PRDM4: variants seen among roughly 807,000 people sequenced by gnomAD.
PRDM4 encodes PR/SET domain 4.
A neutral mutation model predicts 62.3 loss-of-function variants in PRDM4; 38 were observed. The observed-to-expected ratio is 0.61, with a 90% confidence interval of 0.47 to 0.80. PRDM4 has a LOEUF of 0.80. PRDM4 is among the 30% of genes least tolerant of loss of function. The probability of loss-of-function intolerance (pLI) is 0.00; values close to 1 mark genes in which losing one functional copy is unlikely to be tolerated. For synonymous variants in PRDM4, 339 were observed against 348.2 expected, an observed-to-expected ratio of 0.97 and a Z score of 0.30; for missense variants, 858 against 997.1, an observed-to-expected ratio of 0.86 and a Z score of 1.88.
At position 107,752,100 on chromosome 12, in the gene PRDM4, T is replaced by C; in HGVS notation, c.441A>G (p.Leu147=). The C allele has an allele frequency of 6.2e-7, 1 of 1,611,386 alleles. No individual in the cohort carries two copies. Among genetic ancestry groups the C allele is most frequent in the Non-Finnish European group, 8.5e-7 (1 of 1,177,500 alleles). ...ALSITNNPSA[L]DPYQSNGNVG... is the part of the protein sequence containing the mutation. ...CATTTCCATTGGACTGATAGGGATC[T>C]AGTGCTGAAGGGTTATTGGTGATAG... Residue 147 remains leucine (L), a synonymous_variant, in exon 5 of 12, where the codon CTA becomes CTG. Transcript: ENST00000228437.
chr12:107,738,878 AACACACACACACACACAC>A (rs111582421), intron 11 of PRDM4, among the ~76,000 whole-genome samples: 16 of 146,904 alleles, frequency 1.1e-4, no homozygotes, highest in African/African-American at 3.5e-4. Context: ...AATTCAGACA[AACACACACACACACACAC>A]ACACACACAC....
At position 107,743,175 on chromosome 12, in the gene PRDM4, T is replaced by C. The variant is rs199770571; in HGVS notation, c.1481+22A>G. On this transcript the variant is annotated intron_variant, in intron 8 of 11. Transcript: ENST00000228437. ...AAACATCTAAATGGTAACTATTTTT[T>C]CTCATCCAAGACTACTCATACCTGG... is the stretch of plus-strand genomic sequence containing the variant. 1.1e-5 allele frequency: 17 copies of C among 1,556,382 alleles called. No individual in the cohort carries two copies. The Admixed American group carries it at 1.7e-4, about 15-fold the overall frequency.
chr12:107,759,207 C>T (rs1891152039), intron 2 of PRDM4, among the ~76,000 whole-genome samples: 1 of 152,066 alleles, frequency 6.6e-6, no homozygotes, highest in African/African-American at 2.4e-5. Context: ...GTGAGCTCTG[C>T]CTGTACCTCT....
intron 3 of PRDM4, among the ~76,000 whole-genome samples, chr12:107,755,023 C>G (rs1337386013): frequency 2.0e-5 from 3 of 151,986 alleles, no homozygotes; most frequent in African/African-American, 7.3e-5. Flanking sequence ...TTTTACTGGG[C>G]TAAGTATCAT....
chr12:107,750,292 T>C (rs1238922299), intron 5 of PRDM4, among the ~76,000 whole-genome samples: 1 of 152,118 alleles, frequency 6.6e-6, no homozygotes, highest in Non-Finnish European at 1.5e-5. Context: ...ACACCTGTAA[T>C]CCTAGCACTC....
chr12:107,745,987 T>C (rs569804826), intron 6 of PRDM4, among the ~76,000 whole-genome samples: 1 of 152,326 alleles, frequency 6.6e-6, no homozygotes, highest in African/African-American at 2.4e-5. Context: ...TAATTGTTAG[T>C]GGATGAGACA....
chr12:107,734,126 A>G lies in PRDM4; in HGVS notation c.*84T>C. On this transcript the variant is annotated 3_prime_UTR_variant, in exon 12 of 12. Coordinates refer to ENST00000228437, the MANE Select transcript of PRDM4 (RefSeq NM_012406.4). ...CTGAAAATAAATCAGGAACCATTTT[A>G]TATAAAAACCATTATAGTAGATAAC... is the stretch of plus-strand genomic sequence containing the variant. 7.3e-7 allele frequency: 1 copy of G among 1,376,118 alleles called. No individual in the cohort carries two copies. The highest frequency in any genetic ancestry group is 2.3e-5 in the East Asian group (1 of 43,288). 85.2% of individuals were successfully genotyped at this position (1,376,118 alleles called of 1,614,324 possible). A position where few individuals can be genotyped will look rare whatever the true frequency, so the allele number is the denominator to read the frequency against.
At position 107,740,003 on chromosome 12, in the gene PRDM4, C is replaced by G. The variant is rs775247187; in HGVS notation, c.1925-452G>C. On this transcript the variant is annotated intron_variant, in intron 10 of 11. Transcript: ENST00000228437. ...AAACCAGGGATGAAACAAAATCCTTCCAAGAATGCAAAAATAAGATTCCTC... is the reference window on the plus strand; with the variant it reads ...AAACCAGGGATGAAACAAAATCCTTGCAAGAATGCAAAAATAAGATTCCTC... Among the ~76,000 whole-genome samples, 110 of 152,034 alleles carry G rather than the reference C, an allele frequency of 7.2e-4. 1 individual carries two copies. The highest frequency in any genetic ancestry group is 8.7e-4 in the Non-Finnish European group (59 of 67,988).
chr12:107,741,202 G>T lies in PRDM4; in HGVS notation c.1668C>A (p.Tyr556Ter). 5 of 1,614,156 alleles carry T rather than the reference G, an allele frequency of 3.1e-6. No individual in the cohort carries two copies. The highest frequency in any genetic ancestry group is 4.2e-6 in the Non-Finnish European group (5 of 1,180,020). ...LCNCGKECNS[Y>*]TEFKAHLTSH... ...TGGTCAGATGGGCTTTGAACTCTGT[G>T]TAAGAATTGCACTCCTTGCCACAGT... The change falls in exon 10 of 12, where the codon TAC becomes TAA. Residue 556 changes from tyrosine (Y) to a stop codon, truncating the protein, a stop_gained. Coordinates refer to ENST00000228437, the MANE Select transcript of PRDM4 (RefSeq NM_012406.4). LOFTEE classifies it high-confidence loss of function.
intron 5 of PRDM4, 41 bp from the exon 6 acceptor site, chr12:107,746,465 C>A: frequency 6.9e-7 from 1 of 1,456,312 alleles, no homozygotes; most frequent in Non-Finnish European, 9.2e-7. Flanking sequence ...GGGTTTAGTT[C>A]AAGCAGGCTA....
chr12:107,757,009 A>G, intron 2 of PRDM4, 44 bp from the exon 3 acceptor site: 1 of 1,601,522 alleles, frequency 6.2e-7, no homozygotes, highest in Non-Finnish European at 8.5e-7. Flanking sequence ...AATTTACTCC[A>G]ATGACTCTGT....
At chr12:107,757,185 T>G (rs1251358212) in intron 2 of PRDM4, among the ~76,000 whole-genome samples, 1 of 152,212 alleles carries the variant, frequency 6.6e-6, no homozygotes, top group African/African-American at 2.4e-5. Flanking sequence ...CAATGTCACA[T>G]AGCAGAAATA....
rs1285296231 is a variant in PRDM4 at position 107,761,062 on chromosome 12, G to A, written c.-362C>T. ...CCGTCCGCTCGGCCCCCTCACCCCGGGGGCCGCTGCCCTAACGTTTCCCGT... is the reference window on the plus strand; with the variant it reads ...CCGTCCGCTCGGCCCCCTCACCCCGAGGGCCGCTGCCCTAACGTTTCCCGT... On this transcript the variant is annotated 5_prime_UTR_variant, in exon 1 of 12. Coordinates refer to ENST00000228437, the MANE Select transcript of PRDM4 (RefSeq NM_012406.4). The A allele has an allele frequency of 6.6e-6, 1 of 151,468 alleles. No individual in the cohort carries two copies. The highest frequency in any genetic ancestry group is 1.5e-5 in the Non-Finnish European group (1 of 67,952). The allele number at this position is 151,468 out of a possible 1,614,324, so 9.4% of individuals were successfully genotyped here.
chr12:107,742,261 T>C lies in PRDM4; in HGVS notation c.1569A>G (p.Glu523=), dbSNP rs755439939. The C allele has an allele frequency of 6.2e-7, 1 of 1,613,504 alleles. No individual in the cohort carries two copies. Among genetic ancestry groups the C allele is most frequent in the Non-Finnish European group, 8.5e-7 (1 of 1,179,570 alleles). Residue 523 remains glutamate, a synonymous_variant, in exon 9 of 12, where the codon GAA becomes GAG. Coordinates refer to ENST00000228437, the MANE Select transcript of PRDM4 (RefSeq NM_012406.4). ...AATCTCGGCTATAATAAAAAAGCAGTTCATTTTCAGGAGGGATATCTTGTG... is the reference window on the plus strand; with the variant it reads ...AATCTCGGCTATAATAAAAAAGCAGCTCATTTTCAGGAGGGATATCTTGTG... ...CTSQDIPPEN[E]LLFYYSRDYA... is the part of the protein sequence containing the mutation.
intron 11 of PRDM4, 83 bp from the exon 12 acceptor site, chr12:107,734,605 C>T (rs1463495940): frequency 1.5e-6 from 2 of 1,337,270 alleles, no homozygotes; most frequent in Non-Finnish European, 1.0e-6. Flanking sequence ...AGCCGCAGGC[C>T]TTTGTCAGAG....
At chr12:107,756,770 TC>T (rs879174691) in intron 3 of PRDM4, 61 bp downstream of exon 3, 3 of 1,588,940 alleles carry the variant, frequency 1.9e-6, no homozygotes, top group South Asian at 1.1e-5. Context: ...TCTTCTAGAC[TC>T]CATTTAGAAT....
Position 107,743,180 on chromosome 12 carries a change from T to C in PRDM4, c.1481+17A>G. 1.9e-6 allele frequency: 3 copies of C among 1,578,174 alleles called. No individual in the cohort carries two copies. The highest frequency in any genetic ancestry group is 2.6e-6 in the Non-Finnish European group (3 of 1,147,476). On this transcript the variant is annotated intron_variant, in intron 8 of 11. Transcript: ENST00000228437. Reference sequence around the variant, plus strand: ...TCTAAATGGTAACTATTTTTTCTCATCCAAGACTACTCATACCTGGCTTTG... The same window carrying C: ...TCTAAATGGTAACTATTTTTTCTCACCCAAGACTACTCATACCTGGCTTTG...
chr12:107,743,232 AT>A lies in PRDM4; in HGVS notation c.1445del (p.Asn482MetfsTer6), dbSNP rs1339363035. 2 of 1,613,620 alleles carry A rather than the reference AT, an allele frequency of 1.2e-6. No individual in the cohort carries two copies. Among genetic ancestry groups the A allele is most frequent in the Non-Finnish European group, 1.7e-6 (2 of 1,179,578 alleles). ...GCACAAACATCATCCAATTACATTC[AT>A]TTTCATCAGTTGTAATGATGCAGAA... is the stretch of plus-strand genomic sequence containing the variant. ...LEFCIITTDE[N>X]ECNWMMFVRK... On this transcript the variant is annotated frameshift_variant, in exon 8 of 12. Transcript: ENST00000228437. LOFTEE classifies it high-confidence loss of function.
intron 2 of PRDM4, among the ~76,000 whole-genome samples, chr12:107,759,449 G>C (rs1891160973): frequency 6.6e-6 from 1 of 152,052 alleles, no homozygotes; most frequent in Non-Finnish European, 1.5e-5. Context: ...TTTTTTAAAA[G>C]TACAACTACA....
Sources: allele counts gnomAD v4.1 joint callset (sites outside exome capture counted in the v4.1 genomes callset), GRCh38; gene constraint gnomAD v4.1.1; transcripts MANE v1.5; gene names NCBI Gene and HGNC (gene_info 2026-07-23, HGNC 2026-07-21).